TMEM132D: variants seen among roughly 807,000 people sequenced by gnomAD.
The protein encoded by TMEM132D is mature OL transmembrane protein.
A neutral mutation model predicts 62.3 loss-of-function variants in TMEM132D; 21 were observed. That is an observed-to-expected ratio of 0.34 (90% CI 0.24 to 0.49). The LOEUF (loss-of-function observed/expected upper bound fraction) is 0.49. TMEM132D is among the 20% of genes least tolerant of loss of function. The probability of loss-of-function intolerance (pLI) is 0.99; values close to 1 mark genes in which losing one functional copy is unlikely to be tolerated. For missense variants in TMEM132D, 1,346 were observed against 1,402.8 expected (o/e 0.96, Z 0.65); for synonymous variants, 621 against 575.6 (o/e 1.08, Z -1.13).
chr12:129,209,385 G>T, intron 5 of TMEM132D, 135 bp downstream of exon 5: 1 of 1,092,296 alleles, frequency 9.2e-7, no homozygotes, highest in Non-Finnish European at 1.3e-6. Flanking sequence ...TAAGTGGCAG[G>T]ATAACCAGAA....
chr12:129,557,017 T>A (rs150763017), intron 2 of TMEM132D, among the ~76,000 whole-genome samples: 1 of 152,336 alleles, frequency 6.6e-6, no homozygotes, highest in African/African-American at 2.4e-5. Flanking sequence ...AACTGTTATA[T>A]CCTTCTTTTA....
intron 3 of TMEM132D, among the ~76,000 whole-genome samples, chr12:129,340,449 C>T (rs1340687967): frequency 1.3e-5 from 2 of 151,880 alleles, no homozygotes; most frequent in African/African-American, 2.4e-5. Context: ...TAATGCTATC[C>T]TTCCCCCTTC....
chr12:129,894,536 C>T lies in TMEM132D; in HGVS notation c.79+8725G>A, dbSNP rs79213938. Among the ~76,000 whole-genome samples, 52 of 152,306 alleles carry T rather than the reference C, an allele frequency of 3.4e-4. No homozygotes were observed. In the East Asian group the frequency reaches 9.5e-3, roughly 28 times the overall value. On this transcript the variant is annotated intron_variant, in intron 1 of 8. Coordinates refer to ENST00000422113, the MANE Select transcript of TMEM132D (RefSeq NM_133448.3). Reference sequence around the variant, plus strand: ...CTAAAATCAGCACAACTCTGGACTCCTAAGTCTCTTAAGATAATTCGAAGC... The same window carrying T: ...CTAAAATCAGCACAACTCTGGACTCTTAAGTCTCTTAAGATAATTCGAAGC...
rs955078900 is a variant in TMEM132D at position 129,217,483 on chromosome 12, C to T, written c.1300-7820G>A. Among the ~76,000 whole-genome samples, 6 of 152,150 alleles carry T rather than the reference C, an allele frequency of 3.9e-5. 1 individual carries two copies. The highest frequency in any genetic ancestry group is 4.1e-4 in the South Asian group (2 of 4,830). ...CAAACATTCCAAACAGCAAATGAAA[C>T]GGAGCGCCACCTGAACCTCCAGCCT... On this transcript the variant is annotated intron_variant, in intron 4 of 8. Coordinates refer to ENST00000422113, the MANE Select transcript of TMEM132D (RefSeq NM_133448.3).
At chr12:129,552,046 T>C (rs1876912750) in intron 2 of TMEM132D, among the ~76,000 whole-genome samples, 1 of 152,150 alleles carries the variant, frequency 6.6e-6, no homozygotes, top group African/African-American at 2.4e-5. Flanking sequence ...AATTCCTTCC[T>C]ACAAAATCAG....
chr12:129,864,751 C>T (rs1874005957), intron 1 of TMEM132D, among the ~76,000 whole-genome samples: 2 of 152,172 alleles, frequency 1.3e-5, no homozygotes, highest in Admixed American at 1.3e-4. Flanking sequence ...GCATTGTTAC[C>T]TGAAGTAAGT....
intron 3 of TMEM132D, among the ~76,000 whole-genome samples, chr12:129,479,488 G>A (rs146716168): frequency 1.0e-3 from 157 of 152,194 alleles, no homozygotes; most frequent in Non-Finnish European, 4.9e-4. Flanking sequence ...TCCCACCATC[G>A]CAGGCGTGAA....
intron 2 of TMEM132D, among the ~76,000 whole-genome samples, chr12:129,659,104 G>T (rs1056573940): frequency 6.6e-6 from 1 of 152,030 alleles, no homozygotes; most frequent in African/African-American, 2.4e-5. Context: ...TAGGGATGGG[G>T]TTTCGTCATG....
At chr12:129,365,553 CAT>C (rs1870379321) in intron 3 of TMEM132D, among the ~76,000 whole-genome samples, 1 of 152,100 alleles carries the variant, frequency 6.6e-6, no homozygotes, top group African/African-American at 2.4e-5. Flanking sequence ...GGGATAATCA[CAT>C]GTCAAAGGAA....
At chr12:129,321,973 A>G (rs1868732761) in intron 4 of TMEM132D, among the ~76,000 whole-genome samples, 1 of 152,048 alleles carries the variant, frequency 6.6e-6, no homozygotes, top group East Asian at 1.9e-4. Context: ...TATTCTTACT[A>G]GTATAGTTCC....
chr12:129,882,325 T>A (rs1874622564), intron 1 of TMEM132D, among the ~76,000 whole-genome samples: 1 of 152,114 alleles, frequency 6.6e-6, no homozygotes, highest in Non-Finnish European at 1.5e-5. Context: ...AAAAGAAAAC[T>A]ACAGCAAATT....
intron 2 of TMEM132D, among the ~76,000 whole-genome samples, chr12:129,571,251 T>G (rs927014934): frequency 6.6e-6 from 1 of 152,178 alleles, no homozygotes; most frequent in African/African-American, 2.4e-5. Flanking sequence ...TGCAGGCTAC[T>G]CTTTATTGTC....
intron 5 of TMEM132D, among the ~76,000 whole-genome samples, chr12:129,135,047 A>G (rs1231104339): frequency 6.6e-6 from 1 of 152,174 alleles, no homozygotes. Context: ...GAGGAAATCA[A>G]TGGAATTGCG....
intron 4 of TMEM132D, among the ~76,000 whole-genome samples, chr12:129,229,667 G>A (rs909599323): frequency 3.9e-5 from 6 of 152,330 alleles, no homozygotes; most frequent in Non-Finnish European, 7.4e-5. Context: ...ATAGAAAATT[G>A]ATAAACATCA....
intron 4 of TMEM132D, among the ~76,000 whole-genome samples, chr12:129,251,096 G>T (rs1322720640): frequency 1.3e-5 from 2 of 152,082 alleles, no homozygotes; most frequent in Non-Finnish European, 2.9e-5. Context: ...CGTGGCTCAC[G>T]CCTGTAATCC....
intron 3 of TMEM132D, among the ~76,000 whole-genome samples, chr12:129,368,993 G>A (rs533663073): frequency 1.2e-4 from 18 of 152,310 alleles, no homozygotes; most frequent in East Asian, 9.6e-4. Context: ...CTGTGACAGC[G>A]AGGCGGCACA....
intron 2 of TMEM132D, among the ~76,000 whole-genome samples, chr12:129,565,411 T>C (rs909409848): frequency 2.6e-5 from 4 of 152,230 alleles, no homozygotes; most frequent in South Asian, 2.1e-4. Flanking sequence ...TGATATCTTA[T>C]TGCTACAAAG....
At chr12:129,406,335 C>T (rs539659118) in intron 3 of TMEM132D, among the ~76,000 whole-genome samples, 2 of 152,172 alleles carry the variant, frequency 1.3e-5, no homozygotes, top group South Asian at 2.1e-4. Context: ...TAGGAACACA[C>T]GTGGGCTGGG....
chr12:129,194,564 A>C (rs1469966561), intron 5 of TMEM132D, among the ~76,000 whole-genome samples: 1 of 152,200 alleles, frequency 6.6e-6, no homozygotes, highest in Non-Finnish European at 1.5e-5. Context: ...TCATGACACG[A>C]GTTTACCTAC....
Sources: allele counts gnomAD v4.1 joint callset (sites outside exome capture counted in the v4.1 genomes callset), GRCh38; gene constraint gnomAD v4.1.1; transcripts MANE v1.5; gene names NCBI Gene and HGNC (gene_info 2026-07-23, HGNC 2026-07-21).